The following CDC42BPB variants were observed in gnomAD, a reference collection of about 807,000 sequenced individuals.
The protein encoded by CDC42BPB is serine/threonine-protein kinase MRCK beta.
A neutral mutation model predicts 214.9 loss-of-function variants in CDC42BPB; 37 were observed. The ratio of observed to expected loss-of-function variants is 0.17; its 90% CI spans 0.13 to 0.23. CDC42BPB has a LOEUF of 0.23. CDC42BPB is among the 10% of genes least tolerant of loss of function. The probability of loss-of-function intolerance (pLI) is 1.00; values close to 1 mark genes in which losing one functional copy is unlikely to be tolerated. For missense variants in CDC42BPB, 1,694 were observed against 2,227.0 expected (o/e 0.76, Z 4.82); for synonymous variants, 931 against 884.0 (o/e 1.05, Z -0.94).
At chr14:103,024,009 A>T (rs1207703135) in intron 1 of CDC42BPB, among the ~76,000 whole-genome samples, 2 of 152,130 alleles carry the variant, frequency 1.3e-5, no homozygotes, top group Admixed American at 6.5e-5. Context: ...ACAGGAAATG[A>T]GCTCAGCTGC....
chr14:103,013,142 G>C (rs1173109677), intron 1 of CDC42BPB, among the ~76,000 whole-genome samples: 1 of 152,206 alleles, frequency 6.6e-6, no homozygotes, highest in Non-Finnish European at 1.5e-5. Flanking sequence ...GAGAGCAACT[G>C]ATGGGTGCCC....
intron 30 of CDC42BPB, chr14:102,940,573 T>C (rs1237825151): frequency 9.9e-7 from 1 of 1,011,552 alleles, no homozygotes; most frequent in African/African-American, 1.6e-5. Flanking sequence ...AATACTACAG[T>C]ACAGATGTTG....
intron 1 of CDC42BPB, among the ~76,000 whole-genome samples, chr14:103,013,744 C>A (rs1225353671): frequency 1.3e-5 from 2 of 152,202 alleles, no homozygotes; most frequent in Non-Finnish European, 2.9e-5. Flanking sequence ...GCTGAGCGTT[C>A]CCCGGAGCCT....
chr14:103,028,006 T>C (rs543156548), intron 1 of CDC42BPB, among the ~76,000 whole-genome samples: 12 of 152,302 alleles, frequency 7.9e-5, no homozygotes, highest in African/African-American at 2.9e-4. Flanking sequence ...GGTGCGCACC[T>C]GTAGTCCCAG....
intron 1 of CDC42BPB, among the ~76,000 whole-genome samples, chr14:103,052,290 C>T (rs1888651214): frequency 6.6e-6 from 1 of 152,214 alleles, no homozygotes; most frequent in African/African-American, 2.4e-5. Context: ...CCTAACATTT[C>T]CCTATAATTC....
chr14:103,031,077 CTTTT>C (rs905252164), intron 1 of CDC42BPB, among the ~76,000 whole-genome samples: 3 of 150,556 alleles, frequency 2.0e-5, no homozygotes, highest in Non-Finnish European at 3.0e-5. Context: ...TTCTGAGTTA[CTTTT>C]TTTTTAATTA....
At chr14:103,020,581 A>T (rs7160433) in intron 1 of CDC42BPB, among the ~76,000 whole-genome samples, 33,139 of 152,168 alleles carry the variant, frequency 0.22, 5,943 homozygotes, top group African/African-American at 0.49. Context: ...ATGCATCCGG[A>T]CCTCCTGCAG....
At chr14:102,985,867 C>T (rs542534784) in intron 6 of CDC42BPB, among the ~76,000 whole-genome samples, 2 of 152,384 alleles carry the variant, frequency 1.3e-5, no homozygotes, top group South Asian at 2.1e-4. Context: ...GGACTGCCCC[C>T]ATCAGGCTAC....
At chr14:103,041,691 C>A in intron 1 of CDC42BPB, 1 of 559,968 alleles carries the variant, frequency 1.8e-6, no homozygotes, top group Non-Finnish European at 3.3e-6. Context: ...GCCGCAGCTG[C>A]AGCTTGGAGG....
At chr14:103,024,443 G>A (rs1886939102) in intron 1 of CDC42BPB, among the ~76,000 whole-genome samples, 1 of 152,206 alleles carries the variant, frequency 6.6e-6, no homozygotes, top group African/African-American at 2.4e-5. Flanking sequence ...TAAGAAGCAG[G>A]GAGGAAGAGT....
chr14:102,968,190 TA>T, intron 16 of CDC42BPB, 62 bp downstream of exon 16: 2 of 1,195,606 alleles, frequency 1.7e-6, no homozygotes, highest in East Asian at 4.7e-5. Context: ...AAATTAAAAA[TA>T]ATTTTTTTTT....
intron 1 of CDC42BPB, among the ~76,000 whole-genome samples, chr14:103,015,516 A>G (rs2285016): frequency 6.6e-6 from 1 of 152,056 alleles, no homozygotes; most frequent in East Asian, 1.9e-4. Context: ...CATAATTAAG[A>G]CCGCATTAGC....
intron 34 of CDC42BPB, chr14:102,938,622 G>A (rs1428151524): frequency 3.2e-6 from 3 of 928,642 alleles, no homozygotes; most frequent in Admixed American, 6.2e-5. Flanking sequence ...CCTATAAAAA[G>A]CGTACTTTTT....
At chr14:102,997,558 AG>A (rs1894797397) in intron 5 of CDC42BPB, among the ~76,000 whole-genome samples, 1 of 152,182 alleles carries the variant, frequency 6.6e-6, no homozygotes, top group Non-Finnish European at 1.5e-5. Context: ...CGTGGAAGAG[AG>A]GAGGGGAACG....
chr14:103,053,583 A>T (rs1345635154), intron 1 of CDC42BPB, among the ~76,000 whole-genome samples: 8 of 151,186 alleles, frequency 5.3e-5, no homozygotes, highest in African/African-American at 1.7e-4. Context: ...AACACGGTGA[A>T]ACCCCGTCTC....
intron 1 of CDC42BPB, among the ~76,000 whole-genome samples, chr14:103,038,709 T>C (rs35527364): frequency 0.46 from 27,885 of 61,212 alleles, 4,182 homozygotes; most frequent in Middle Eastern, 0.54. Flanking sequence ...CTATTTTTTG[T>C]AGAGACGGGG....
rs34350476 is a variant in CDC42BPB, at chr14:102,940,579, T to C, written c.4409-255A>G. 8.1e-3 allele frequency: 7,751 copies of C among 955,244 alleles called. 42 individuals carry two copies. Among genetic ancestry groups the C allele is most frequent in the Non-Finnish European group, 9.8e-3 (6,676 of 678,472 alleles). 59.2% of individuals were successfully genotyped at this position (955,244 alleles called of 1,614,324 possible). A position where few individuals can be genotyped will look rare whatever the true frequency, so the allele number is the denominator to read the frequency against. On this transcript the variant is annotated intron_variant, in intron 30 of 36. Coordinates refer to ENST00000361246, the MANE Select transcript of CDC42BPB (RefSeq NM_006035.4). ...AATATTTTGAATACTACAGTACAGATGTTGAAGGTGACTTTTAAAAAGTCT... is the reference window on the plus strand; with the variant it reads ...AATATTTTGAATACTACAGTACAGACGTTGAAGGTGACTTTTAAAAAGTCT...
chr14:103,034,512 G>A (rs944331324), intron 1 of CDC42BPB, among the ~76,000 whole-genome samples: 2 of 152,090 alleles, frequency 1.3e-5, no homozygotes, highest in Non-Finnish European at 2.9e-5. Context: ...AAAATAAACT[G>A]TTAAGAAAAG....
intron 30 of CDC42BPB, 123 bp from the exon 31 acceptor site, chr14:102,940,447 T>C: frequency 6.7e-7 from 1 of 1,493,708 alleles, no homozygotes; most frequent in African/African-American, 1.4e-5. Context: ...CCTCAGCTGG[T>C]TCACGTCACC....
Sources: gnomAD v4.1 joint callset for allele counts (sites outside exome capture counted in the v4.1 genomes callset) on GRCh38, gnomAD v4.1.1 for gene constraint, MANE v1.5 for transcripts, NCBI Gene and HGNC (gene_info 2026-07-23, HGNC 2026-07-21) for gene names.